Variants in PLEKHA2 observed in about 807,000 individuals in gnomAD.
The protein encoded by PLEKHA2 is pleckstrin homology domain-containing family A member 2.
Under a neutral mutation model 53.2 loss-of-function variants are expected in PLEKHA2, and 28 were observed. The ratio of observed to expected loss-of-function variants is 0.53; its 90% CI spans 0.39 to 0.72. The LOEUF (loss-of-function observed/expected upper bound fraction) is 0.72, where lower values mean the gene tolerates loss of function less well. PLEKHA2 is among the 30% of genes least tolerant of loss of function. The pLI, the probability that PLEKHA2 is intolerant of heterozygous loss-of-function variation, is 0.00. For synonymous variants in PLEKHA2, 193 were observed against 196.4 expected, an observed-to-expected ratio of 0.98 and a Z score of 0.14; for missense variants, 426 against 537.9, an observed-to-expected ratio of 0.79 and a Z score of 2.06.
At chr8:38,914,456 G>A (rs1834001546) in intron 1 of PLEKHA2, among the ~76,000 whole-genome samples, 3 of 152,234 alleles carry the variant, frequency 2.0e-5, no homozygotes, top group African/African-American at 7.2e-5. Flanking sequence ...CAGTACCGGG[G>A]CTGTTGGGTC....
intron 5 of PLEKHA2, among the ~76,000 whole-genome samples, chr8:38,949,282 A>C (rs186509546): frequency 2.0e-5 from 3 of 151,602 alleles, no homozygotes; most frequent in Admixed American, 6.6e-5. Flanking sequence ...TGCAGACTCT[A>C]GTATAAATGA....
At chr8:38,940,661 G>GT (rs2129420146) in intron 3 of PLEKHA2, among the ~76,000 whole-genome samples, 1 of 98,500 alleles carries the variant, frequency 1.0e-5, no homozygotes, top group African/African-American at 3.8e-5. Flanking sequence ...GGGGGGGGGG[G>GT]GTCAGAAACC....
chr8:38,923,080 C>T (rs976572397), intron 2 of PLEKHA2, among the ~76,000 whole-genome samples: 2 of 152,170 alleles, frequency 1.3e-5, no homozygotes, highest in South Asian at 4.1e-4. Context: ...TGCTAATAAT[C>T]CTGGCAAATC....
chr8:38,920,312 A>G (rs557898339), intron 2 of PLEKHA2, among the ~76,000 whole-genome samples: 296 of 151,718 alleles, frequency 2.0e-3, no homozygotes, highest in Non-Finnish European at 3.4e-3. Flanking sequence ...CACCACGCCC[A>G]GCTAATTTTT....
intron 2 of PLEKHA2, among the ~76,000 whole-genome samples, chr8:38,933,070 GT>G (rs1014744706): frequency 6.6e-6 from 1 of 152,200 alleles, no homozygotes; most frequent in African/African-American, 2.4e-5. Context: ...GCTCATAGTT[GT>G]TTTTCCATGT....
At chr8:38,925,971 G>A (rs1380432325) in intron 2 of PLEKHA2, among the ~76,000 whole-genome samples, 2 of 152,240 alleles carry the variant, frequency 1.3e-5, no homozygotes, top group East Asian at 3.8e-4. Flanking sequence ...TGCACGTGGT[G>A]CAGAATTTGG....
intron 10 of PLEKHA2, among the ~76,000 whole-genome samples, chr8:38,965,339 G>A (rs1835116543): frequency 2.0e-5 from 3 of 152,160 alleles, no homozygotes; most frequent in Admixed American, 2.0e-4. Flanking sequence ...GGCCTGTGGG[G>A]GTAGCATTTG....
At chr8:38,968,847 T>C (rs6985572) in intron 11 of PLEKHA2, 178 bp downstream of exon 11, 384,539 of 574,626 alleles carry the variant, frequency 0.67, 130,471 homozygotes, top group African/African-American at 0.8. Context: ...TATTTTTCTC[T>C]GTTTGGTTGT....
At chr8:38,952,428 C>A in intron 7 of PLEKHA2, 116 bp downstream of exon 7, 1 of 1,448,334 alleles carries the variant, frequency 6.9e-7, no homozygotes, top group Non-Finnish European at 9.3e-7. Context: ...CTCCATGGAG[C>A]CTCCACCTTT....
chr8:38,954,822 C>A (rs755928298), intron 9 of PLEKHA2, among the ~76,000 whole-genome samples: 1 of 152,096 alleles, frequency 6.6e-6, no homozygotes, highest in African/African-American at 2.4e-5. Flanking sequence ...CACCTGAGGC[C>A]AGGAGTTCCA....
chr8:38,953,725 C>T (rs1179841529), intron 9 of PLEKHA2, among the ~76,000 whole-genome samples: 1 of 152,190 alleles, frequency 6.6e-6, no homozygotes, highest in Non-Finnish European at 1.5e-5. Context: ...GGAGAGACCA[C>T]GCCTCTAGGT....
intron 1 of PLEKHA2, among the ~76,000 whole-genome samples, chr8:38,904,889 A>G (rs1833846562): frequency 6.6e-6 from 1 of 152,246 alleles, no homozygotes; most frequent in African/African-American, 2.4e-5. Flanking sequence ...TTTAACAACA[A>G]CAATATTTAC....
At position 38,933,790 on chromosome 8, in the gene PLEKHA2, A is replaced by AAAAAAAAAAG. The variant is rs71216697; in HGVS notation, c.142-2200_142-2199insAAAAAGAAAA. 3.6e-4 allele frequency among the ~76,000 whole-genome samples: 33 copies of AAAAAAAAAAG among 90,646 alleles called. 3 individuals carry two copies. The highest frequency in any genetic ancestry group is 9.7e-4 in the South Asian group (3 of 3,094). The allele number at this position is 90,646 out of a possible 152,430, so 59.5% of individuals were successfully genotyped here. On this transcript the variant is annotated intron_variant, in intron 2 of 11. Transcript: ENST00000617275. Reference sequence around the variant, plus strand: ...AATAGAGGTTTCCTAAAAAAAAAAAAAAAAGAAAAGAAAGAAAAGCAGTCG... The same window carrying AAAAAAAAAAG: ...AATAGAGGTTTCCTAAAAAAAAAAAAAAAAAAAAAGAAAAGAAAAGAAAGAAAAGCAGTCG...
At chr8:38,909,921 A>C (rs933696920) in intron 1 of PLEKHA2, among the ~76,000 whole-genome samples, 2 of 152,102 alleles carry the variant, frequency 1.3e-5, no homozygotes, top group African/African-American at 4.8e-5. Flanking sequence ...TGGATCATAT[A>C]AAACTTCCCA....
intron 10 of PLEKHA2, among the ~76,000 whole-genome samples, chr8:38,962,781 T>G (rs949557172): frequency 2.0e-5 from 3 of 152,248 alleles, no homozygotes. Context: ...TAGGGTGCTA[T>G]GTCAGGACAA....
In PLEKHA2 at chr8:38,967,952, C is replaced by G. The variant is rs116019421; in HGVS notation, c.838-640C>G. ...CTGAGATTACAGGCATGAGCCACCA[C>G]GCTTGGCCTACACTTTTTAATGGGA... On this transcript the variant is annotated intron_variant, in intron 10 of 11. Transcript: ENST00000617275. 5.2e-3 allele frequency among the ~76,000 whole-genome samples: 789 copies of G among 152,172 alleles called. 7 individuals carry two copies. The highest frequency in any genetic ancestry group is 0.017 in the African/African-American group (725 of 41,500).
intron 1 of PLEKHA2, among the ~76,000 whole-genome samples, chr8:38,910,990 T>G (rs1458949561): frequency 6.6e-6 from 1 of 152,174 alleles, no homozygotes; most frequent in Non-Finnish European, 1.5e-5. Flanking sequence ...GTTAAAATAA[T>G]TCCAGCATTG....
At chr8:38,958,247 C>T (rs1265234961) in intron 10 of PLEKHA2, among the ~76,000 whole-genome samples, 10 of 151,956 alleles carry the variant, frequency 6.6e-5, no homozygotes, top group South Asian at 2.1e-4. Flanking sequence ...TGCTTGAACC[C>T]GGGAGGCAGA....
chr8:38,969,370 T>C (rs1438271962), intron 11 of PLEKHA2, 51 bp from the exon 12 acceptor site: 1 of 1,576,880 alleles, frequency 6.3e-7, no homozygotes, highest in Non-Finnish European at 8.6e-7. Context: ...ATAAACATTG[T>C]CTGAAAAGCC....
Sources: allele counts gnomAD v4.1 joint callset (sites outside exome capture counted in the v4.1 genomes callset), GRCh38; gene constraint gnomAD v4.1.1; transcripts MANE v1.5; gene names NCBI Gene and HGNC (gene_info 2026-07-23, HGNC 2026-07-21).